The following CREBBP variants were observed in gnomAD, a reference collection of about 807,000 sequenced individuals.
CREBBP encodes CREB-binding protein.
A neutral mutation model predicts 265.0 loss-of-function variants in CREBBP; 19 were observed. The observed-to-expected ratio is 0.07, with a 90% confidence interval of 0.05 to 0.11. The LOEUF (loss-of-function observed/expected upper bound fraction) is 0.11, where lower values mean the gene tolerates loss of function less well. Among genes scored for constraint, CREBBP ranks in the 10% least tolerant of loss-of-function variants. CREBBP has a pLI of 1.00. For synonymous variants in CREBBP, 1,457 were observed against 1,223.7 expected, an observed-to-expected ratio of 1.19 and a Z score of -3.98; for missense variants, 2,525 against 3,219.0, an observed-to-expected ratio of 0.78 and a Z score of 5.22.
chr16:3,782,295 G>A (rs1198123362), intron 6 of CREBBP, among the ~76,000 whole-genome samples: 2 of 152,108 alleles, frequency 1.3e-5, no homozygotes, highest in Admixed American at 6.5e-5. Context: ...CAACTGAGGG[G>A]TAGACCCTAA....
chr16:3,765,374 G>A (rs1219962113), intron 16 of CREBBP, among the ~76,000 whole-genome samples: 1 of 152,230 alleles, frequency 6.6e-6, no homozygotes, highest in Non-Finnish European at 1.5e-5. Context: ...GGCCACATCA[G>A]GAGGCAGTAC....
intron 21 of CREBBP, chr16:3,745,607 G>C (rs923179575): frequency 1.9e-6 from 1 of 528,094 alleles, no homozygotes; most frequent in African/African-American, 1.9e-5. Flanking sequence ...TTTGCAACCA[G>C]AAAGGAAACT....
intron 1 of CREBBP, among the ~76,000 whole-genome samples, chr16:3,855,876 C>T (rs1238017432): frequency 3.3e-5 from 5 of 152,222 alleles, no homozygotes; most frequent in Non-Finnish European, 7.3e-5. Flanking sequence ...ATCATAACTA[C>T]TGTTTTGTTT....
At chr16:3,776,655 G>C (rs2053145211) in intron 11 of CREBBP, among the ~76,000 whole-genome samples, 1 of 151,914 alleles carries the variant, frequency 6.6e-6, no homozygotes, top group Non-Finnish European at 1.5e-5. Context: ...CCACATCTAG[G>C]GTGCTTCTTT....
At position 3,731,195 on chromosome 16, in the gene CREBBP, G is replaced by A. The variant is rs146718571; in HGVS notation, c.5169C>T (p.Cys1723=). The part of the protein sequence containing the change: ...HVETRWHCTV[C]EDYDLCINCY... Reference sequence around the variant, plus strand: ...TGGGGGTGGGGGCAGGGCCTACCTCGCACACAGTGCAGTGCCAGCGCGTCT... The same window carrying A: ...TGGGGGTGGGGGCAGGGCCTACCTCACACACAGTGCAGTGCCAGCGCGTCT... The change falls in exon 30 of 31, where the codon TGC becomes TGT. Residue 1723 remains cysteine, a synonymous_variant. Coordinates refer to ENST00000262367, the MANE Select transcript of CREBBP (RefSeq NM_004380.3). The surrounding 1 kb of genome is among the most constrained non-coding windows in gnomAD (Gnocchi z 7.7). 2.0e-5 allele frequency: 32 copies of A among 1,611,588 alleles called. No homozygotes were observed. The Admixed American group carries it at 4.3e-4, about 22-fold the overall frequency.
chr16:3,755,321 G>A (rs1415340780), intron 19 of CREBBP, among the ~76,000 whole-genome samples: 1 of 152,186 alleles, frequency 6.6e-6, no homozygotes, highest in Non-Finnish European at 1.5e-5. Context: ...AACGGACCCA[G>A]GAACAGGCCC....
At chr16:3,815,473 T>C (rs1285233117) in intron 2 of CREBBP, among the ~76,000 whole-genome samples, 2 of 141,036 alleles carry the variant, frequency 1.4e-5, no homozygotes, top group Non-Finnish European at 1.5e-5. Flanking sequence ...GAAAATGCAG[T>C]GAGCTGAGAT....
Position 3,726,346 on chromosome 16 carries a change from C to T in CREBBP, c.*1372G>A, listed in dbSNP as rs1415038657. The T allele has an allele frequency of 1.3e-5, 3 of 233,136 alleles. No homozygotes were observed. The highest frequency in any genetic ancestry group is 5.6e-5 in the Admixed American group (1 of 17,778). 14.4% of individuals were successfully genotyped at this position (233,136 alleles called of 1,614,324 possible). On this transcript the variant is annotated 3_prime_UTR_variant, in exon 31 of 31. Transcript: ENST00000262367. The stretch of plus-strand genomic sequence containing the variant: ...TGGGCCAAATGCAGTTTCAGACCAA[C>T]TGACGACCCTAACTGTGTGAGCGAC...
chr16:3,728,577 T>C lies in CREBBP; in HGVS notation c.6470A>G (p.Gln2157Arg), dbSNP rs2151303796. ...AGVPRPGVPP[Q>R]QQAMGGLNPQ... ...GTTCAGGCCTCCCATCGCCTGCTGC[T>C]GTGGAGGCACACCGGGCCGCGGCAC... The change falls in exon 31 of 31, where the codon CAG becomes CGG. Residue 2157 changes from glutamine to arginine, a missense_variant. Coordinates refer to ENST00000262367, the MANE Select transcript of CREBBP (RefSeq NM_004380.3). This position sits in a 1 kb window ranked among gnomAD's most constrained non-coding sequence, Gnocchi z 8.7. The C allele has an allele frequency of 6.2e-7, 1 of 1,613,968 alleles. No homozygotes were observed. Among genetic ancestry groups the C allele is most frequent in the Non-Finnish European group, 8.5e-7 (1 of 1,179,982 alleles).
At chr16:3,764,837 C>T (rs1331110422) in intron 16 of CREBBP, among the ~76,000 whole-genome samples, 1 of 152,080 alleles carries the variant, frequency 6.6e-6, no homozygotes, top group African/African-American at 2.4e-5. Context: ...CCCACTTTGG[C>T]CTTCCAAAGT....
intron 17 of CREBBP, among the ~76,000 whole-genome samples, 188 bp from the exon 18 acceptor site, chr16:3,758,236 T>C (rs2052633457): frequency 6.6e-6 from 1 of 152,138 alleles, no homozygotes. Context: ...ACTAAAAGTG[T>C]AATTAGTATT....
intron 1 of CREBBP, among the ~76,000 whole-genome samples, chr16:3,871,319 G>A (rs551757897): frequency 6.6e-6 from 1 of 152,204 alleles, no homozygotes; most frequent in East Asian, 1.9e-4. Context: ...AGTCTACTCT[G>A]AGCAGGAGCC....
intron 3 of CREBBP, among the ~76,000 whole-genome samples, chr16:3,798,130 G>C (rs1326870287): frequency 6.6e-6 from 1 of 152,170 alleles, no homozygotes; most frequent in East Asian, 1.9e-4. Flanking sequence ...GGACAGCCCA[G>C]GCAGAAGGAT....
chr16:3,807,036 G>T (rs1246111415), intron 3 of CREBBP, among the ~76,000 whole-genome samples: 1 of 152,190 alleles, frequency 6.6e-6, no homozygotes, highest in Non-Finnish European at 1.5e-5. Context: ...GGAGCAGTTT[G>T]TAACGATTTG....
intron 5 of CREBBP, 124 bp downstream of exon 5, chr16:3,791,857 G>A (rs540218638): frequency 1.1e-5 from 9 of 852,502 alleles, no homozygotes; most frequent in East Asian, 7.7e-5. Flanking sequence ...GCTGCTGTCC[G>A]CCCTACCTCA....
rs2151306477 is a variant in CREBBP at position 3,728,998 on chromosome 16, G to A, written c.6049C>T (p.Pro2017Ser). ...GGCGCCTGCTGCCACTGCCCGGGAG[G>A]CATGCTGGGCATGACGGGCCCGCTC... ...QVSGPVMPSM[P>S]PGQWQQAPLP... Residue 2017 changes from proline to serine, a missense_variant, in exon 31 of 31, where the codon CCT (proline) becomes TCT (serine). Physicochemically the swap from Pro to Ser is moderately conservative, Grantham distance 74. Coordinates refer to ENST00000262367, the MANE Select transcript of CREBBP (RefSeq NM_004380.3). The surrounding 1 kb of genome is among the most constrained non-coding windows in gnomAD (Gnocchi z 8.7). 6.3e-7 allele frequency: 1 copy of A among 1,594,084 alleles called. No homozygotes were observed. The highest frequency in any genetic ancestry group is 8.5e-7 in the Non-Finnish European group (1 of 1,175,776).
intron 21 of CREBBP, among the ~76,000 whole-genome samples, chr16:3,748,785 A>T (rs2151365005): frequency 1.3e-5 from 2 of 152,312 alleles, no homozygotes; most frequent in Middle Eastern, 3.4e-3. Context: ...AAAAATCTGA[A>T]GTCTCTTTAG....
Position 3,731,822 on chromosome 16 carries a change from T to C in CREBBP, c.4844A>G (p.Asn1615Ser), listed in dbSNP as rs372308925. 2.0e-5 allele frequency: 32 copies of C among 1,614,118 alleles called. No homozygotes were observed. The highest frequency in any genetic ancestry group is 1.3e-4 in the East Asian group (6 of 44,898). The change falls in exon 29 of 31, where the codon AAT becomes AGT. Residue 1615 changes from asparagine to serine, a missense_variant. Physicochemically the swap from Asn to Ser is conservative, Grantham distance 46. Transcript: ENST00000262367. The surrounding 1 kb of genome is among the most constrained non-coding windows in gnomAD (Gnocchi z 7.7). ...KKKPSMPNVS[N>S]DLSQKLYATM... Reference sequence around the variant, plus strand: ...GGCATACAGCTTCTGGGACAGGTCATTGGACACGTTGGGCATGCTGGGCTT... The same window carrying C: ...GGCATACAGCTTCTGGGACAGGTCACTGGACACGTTGGGCATGCTGGGCTT...
At chr16:3,829,951 CA>C (rs1318789196) in intron 2 of CREBBP, among the ~76,000 whole-genome samples, 1 of 152,122 alleles carries the variant, frequency 6.6e-6, no homozygotes, top group Non-Finnish European at 1.5e-5. Context: ...AAGCAGCAAA[CA>C]GAAAACAAAT....
Sources: gnomAD v4.1 joint callset for allele counts (sites outside exome capture counted in the v4.1 genomes callset) on GRCh38, gnomAD v4.1.1 for gene constraint, Gnocchi (gnomAD v3.1) non-coding constraint, MANE v1.5 for transcripts, NCBI Gene and HGNC (gene_info 2026-07-23, HGNC 2026-07-21) for gene names.